The following CMTM8 variants were observed in gnomAD, a reference collection of about 807,000 sequenced individuals.
The protein encoded by CMTM8 is CKLF-like MARVEL transmembrane domain-containing protein 8.
CMTM8 carries 12 observed loss-of-function variants against 18.6 expected under a neutral mutation model. The ratio of observed to expected loss-of-function variants is 0.65; its 90% confidence interval spans 0.41 to 1.05. The LOEUF (loss-of-function observed/expected upper bound fraction) is 1.05, where lower values mean the gene tolerates loss of function less well. CMTM8 is among the 50% of genes least tolerant of loss of function. The pLI is 0.00. For synonymous variants in CMTM8, 87 were observed against 90.6 expected, an observed-to-expected ratio of 0.96 and a Z score of 0.23; for missense variants, 217 against 227.2, an observed-to-expected ratio of 0.95 and a Z score of 0.29.
At chr3:32,295,481 A>AAAAAAAAAAAAAG (rs1559372449) in intron 1 of CMTM8, among the ~76,000 whole-genome samples, 1 of 117,930 alleles carries the variant, frequency 8.5e-6, no homozygotes, top group South Asian at 2.5e-4. Flanking sequence ...AAAAAAAACA[A>AAAAAAAAAAAAAG]AACAAAACAG....
chr3:32,256,223 A>C (rs9637516), intron 1 of CMTM8, among the ~76,000 whole-genome samples: 131,926 of 152,020 alleles, frequency 0.87, 57,360 homozygotes, highest in East Asian at 0.99. Context: ...TGCACCACCA[A>C]GCCTGGATAA....
chr3:32,327,506 G>A (rs1449195506), intron 1 of CMTM8, among the ~76,000 whole-genome samples: 7 of 152,166 alleles, frequency 4.6e-5, no homozygotes, highest in Admixed American at 2.0e-4. Flanking sequence ...ATTGCCTGAA[G>A]GTTTTGATTC....
chr3:32,338,238 T>C (rs1379281745), intron 1 of CMTM8, among the ~76,000 whole-genome samples: 1 of 152,066 alleles, frequency 6.6e-6, no homozygotes, highest in East Asian at 1.9e-4. Context: ...CGCCTCGGCC[T>C]CCTAAAGTGC....
At chr3:32,347,160 T>C (rs1696613089) in intron 1 of CMTM8, among the ~76,000 whole-genome samples, 1 of 152,204 alleles carries the variant, frequency 6.6e-6, no homozygotes, top group South Asian at 2.1e-4. Flanking sequence ...CAATATTCTG[T>C]GTTTATTATC....
chr3:32,252,356 A>G (rs568933015), intron 1 of CMTM8, among the ~76,000 whole-genome samples: 1 of 152,336 alleles, frequency 6.6e-6, no homozygotes, highest in East Asian at 1.9e-4. Context: ...TTTCTTTGCT[A>G]TCGCTGTATA....
chr3:32,315,300 T>C (rs527633157), intron 1 of CMTM8, among the ~76,000 whole-genome samples: 22 of 152,134 alleles, frequency 1.4e-4, no homozygotes, highest in Admixed American at 4.6e-4. Flanking sequence ...CAGCTAATTT[T>C]TGTATTTTTA....
intron 1 of CMTM8, among the ~76,000 whole-genome samples, chr3:32,300,639 T>C (rs1695595723): frequency 6.6e-6 from 1 of 152,190 alleles, no homozygotes; most frequent in South Asian, 2.1e-4. Context: ...TTTCATAGCA[T>C]TTTCATATTT....
intron 1 of CMTM8, among the ~76,000 whole-genome samples, chr3:32,346,104 A>C (rs369671961): frequency 6.6e-6 from 1 of 152,164 alleles, no homozygotes; most frequent in Non-Finnish European, 1.5e-5. Context: ...TAGTGAACCA[A>C]GATCATGCCA....
At chr3:32,278,801 G>A (rs913153065) in intron 1 of CMTM8, among the ~76,000 whole-genome samples, 8 of 152,146 alleles carry the variant, frequency 5.3e-5, no homozygotes, top group Non-Finnish European at 7.4e-5. Flanking sequence ...GGTCAGTCCT[G>A]TTTACTGAGT....
At chr3:32,355,513 T>C (rs1696800328) in intron 1 of CMTM8, among the ~76,000 whole-genome samples, 2 of 152,216 alleles carry the variant, frequency 1.3e-5, no homozygotes, top group Admixed American at 6.5e-5. Flanking sequence ...CATATTGGTC[T>C]TGAAGACTTC....
rs182564931 is a variant in CMTM8 at position 32,368,902 on chromosome 3, G to A, written c.438+914G>A. Among the ~76,000 whole-genome samples, 3 of 152,320 alleles carry A rather than the reference G, an allele frequency of 2.0e-5. No homozygotes were observed. The East Asian group carries it at 5.8e-4, about 29-fold the overall frequency. ...CATCTCCAAAAGAAGCCTATCGGGG[G>A]AAGGAGGGAGGCAGTTAGACAGAAA... is the stretch of plus-strand genomic sequence containing the variant. On this transcript the variant is annotated intron_variant, in intron 3 of 3. Transcript: ENST00000307526.
intron 1 of CMTM8, among the ~76,000 whole-genome samples, chr3:32,293,824 G>A (rs2125558073): frequency 6.6e-6 from 1 of 152,350 alleles, no homozygotes; most frequent in African/African-American, 2.4e-5. Flanking sequence ...TAGCCTGGGT[G>A]ACAGAGGGAG....
At chr3:32,334,656 A>C (rs1345983816) in intron 1 of CMTM8, among the ~76,000 whole-genome samples, 1 of 151,952 alleles carries the variant, frequency 6.6e-6, no homozygotes. Flanking sequence ...AACTCGGCAC[A>C]ATTTGAACTT....
intron 2 of CMTM8, among the ~76,000 whole-genome samples, chr3:32,365,763 A>G (rs1251151634): frequency 2.0e-5 from 3 of 152,060 alleles, no homozygotes; most frequent in South Asian, 4.2e-4. Flanking sequence ...TTAAATTACT[A>G]TATTGTCCTT....
chr3:32,298,151 C>T (rs1206724632), intron 1 of CMTM8, among the ~76,000 whole-genome samples: 3 of 151,448 alleles, frequency 2.0e-5, no homozygotes, highest in Admixed American at 1.3e-4. Flanking sequence ...TCTGGGCTCA[C>T]TGCAACCTCT....
chr3:32,265,022 A>C (rs775729570), intron 1 of CMTM8, among the ~76,000 whole-genome samples: 11 of 152,134 alleles, frequency 7.2e-5, no homozygotes, highest in African/African-American at 2.7e-4. Context: ...TAACACCCCA[A>C]TGTCAACATT....
At chr3:32,260,720 A>G (rs1388622885) in intron 1 of CMTM8, among the ~76,000 whole-genome samples, 1 of 150,504 alleles carries the variant, frequency 6.6e-6, no homozygotes, top group Non-Finnish European at 1.5e-5. Context: ...TTCTTCAAGT[A>G]GAGCTTTATA....
intron 1 of CMTM8, among the ~76,000 whole-genome samples, chr3:32,303,938 A>G (rs1190008415): frequency 2.6e-5 from 4 of 152,216 alleles, no homozygotes; most frequent in African/African-American, 7.2e-5. Flanking sequence ...TTTAGCATCA[A>G]TTCACTAATA....
chr3:32,348,486 C>T (rs1696643462), intron 1 of CMTM8, among the ~76,000 whole-genome samples: 2 of 141,440 alleles, frequency 1.4e-5, no homozygotes, highest in Non-Finnish European at 3.1e-5. Context: ...TCTTGAGTAG[C>T]TGATTTCTTT....
Sources: gnomAD v4.1 joint callset for allele counts (sites outside exome capture counted in the v4.1 genomes callset) on GRCh38, gnomAD v4.1.1 for gene constraint, MANE v1.5 for transcripts, NCBI Gene and HGNC (gene_info 2026-07-23, HGNC 2026-07-21) for gene names.